The following CCDC91 variants were observed in gnomAD, a reference collection of about 807,000 sequenced individuals.
CCDC91 encodes coiled-coil domain-containing protein 91.
CCDC91 carries 48 observed loss-of-function variants against 63.2 expected under a neutral mutation model. The ratio of observed to expected loss-of-function variants is 0.76; its 90% CI spans 0.60 to 0.97. CCDC91 has a LOEUF of 0.97. CCDC91 is among the 50% of genes least tolerant of loss of function. The pLI, the probability that CCDC91 is intolerant of heterozygous loss-of-function variation, is 0.00. For synonymous variants in CCDC91, 167 were observed against 165.8 expected (o/e 1.01, Z -0.06); for missense variants, 500 against 494.6 (o/e 1.01, Z -0.10).
intron 12 of CCDC91, among the ~76,000 whole-genome samples, chr12:28,515,459 TTGATCTTA>T (rs1268733236): frequency 6.6e-6 from 1 of 151,928 alleles, no homozygotes; most frequent in Non-Finnish European, 1.5e-5. Context: ...ATTTCCCTAA[TTGATCTTA>T]TGCCCTTTTT....
At chr12:28,369,497 G>A (rs908826309) in intron 7 of CCDC91, among the ~76,000 whole-genome samples, 10 of 152,148 alleles carry the variant, frequency 6.6e-5, no homozygotes, top group Non-Finnish European at 1.2e-4. Flanking sequence ...GGCATTGAGT[G>A]CCTACAGGTT....
chr12:28,205,536 G>T (rs1942780303), intron 1 of CCDC91, among the ~76,000 whole-genome samples: 1 of 152,176 alleles, frequency 6.6e-6, no homozygotes, highest in African/African-American at 2.4e-5. Flanking sequence ...TGCAAGTTGG[G>T]CAGCTCCCAG....
At chr12:28,346,856 C>T (rs1167309442) in intron 6 of CCDC91, among the ~76,000 whole-genome samples, 1 of 152,100 alleles carries the variant, frequency 6.6e-6, no homozygotes, top group Non-Finnish European at 1.5e-5. Flanking sequence ...CTATCCTTTC[C>T]CTTGATGTTG....
In CCDC91 at chr12:28,350,950, A is replaced by G. The variant is rs1188892730; in HGVS notation, c.577-11488A>G. The stretch of plus-strand genomic sequence containing the variant: ...TGCAAAGACCCTATTTCCAAATAAG[A>G]TTGCATTCATAGGTACCAAGGATTA... On this transcript the variant is annotated intron_variant, in intron 6 of 12. Transcript: ENST00000536442. Among the ~76,000 whole-genome samples the G allele has an allele frequency of 2.0e-5, 3 of 152,134 alleles. No individual in the cohort carries two copies. In the East Asian group the frequency reaches 5.8e-4, roughly 29 times the overall value.
At chr12:28,333,468 A>G (rs1325392258) in intron 6 of CCDC91, among the ~76,000 whole-genome samples, 4 of 151,994 alleles carry the variant, frequency 2.6e-5, no homozygotes, top group African/African-American at 7.2e-5. Flanking sequence ...ACAAATGACC[A>G]CAAAAGCACC....
chr12:28,235,327 G>T (rs1231770338), intron 1 of CCDC91, among the ~76,000 whole-genome samples: 1 of 152,090 alleles, frequency 6.6e-6, no homozygotes, highest in Non-Finnish European at 1.5e-5. Flanking sequence ...GGTTTAAATG[G>T]TGTATATAAT....
intron 7 of CCDC91, among the ~76,000 whole-genome samples, chr12:28,363,498 A>T (rs1229945243): frequency 6.6e-6 from 1 of 152,234 alleles, no homozygotes; most frequent in East Asian, 1.9e-4. Context: ...CAGTTAGAAT[A>T]TAGAAATTTT....
intron 3 of CCDC91, among the ~76,000 whole-genome samples, chr12:28,295,479 G>A (rs1479659620): frequency 6.6e-6 from 1 of 151,874 alleles, no homozygotes; most frequent in Non-Finnish European, 1.5e-5. Context: ...ACAAACAATG[G>A]CAAGTCGTTC....
chr12:28,359,782 C>CTT (rs1565853546), intron 6 of CCDC91, among the ~76,000 whole-genome samples: 2 of 152,084 alleles, frequency 1.3e-5, no homozygotes, highest in African/African-American at 4.8e-5. Flanking sequence ...CAGAATATTT[C>CTT]TATTTACTTT....
chr12:28,388,633 A>C (rs565897714), intron 7 of CCDC91, among the ~76,000 whole-genome samples: 10 of 152,348 alleles, frequency 6.6e-5, no homozygotes, highest in African/African-American at 2.4e-4. Flanking sequence ...AATACATCCC[A>C]TGCTCGTGGA....
Position 28,484,630 on chromosome 12 carries a change from A to G in CCDC91, c.1215+465A>G, listed in dbSNP as rs377221885. On this transcript the variant is annotated intron_variant, in intron 12 of 12. Transcript: ENST00000536442. ...CCATTTCAAAACCATAACTCAGAAT[A>G]TGCTTGTAAGAATTTAGGATGCATA... Among the ~76,000 whole-genome samples, 510 of 152,246 alleles carry G rather than the reference A, an allele frequency of 3.3e-3. 6 individuals carry two copies. Among genetic ancestry groups the G allele is most frequent in the African/African-American group, 0.012 (483 of 41,574 alleles).
intron 6 of CCDC91, among the ~76,000 whole-genome samples, chr12:28,338,316 G>GTT (rs34192753): frequency 7.1e-6 from 1 of 139,932 alleles, no homozygotes. Flanking sequence ...CCCCCATAGT[G>GTT]TTTTTTTTTT....
intron 12 of CCDC91, among the ~76,000 whole-genome samples, chr12:28,514,267 A>C (rs763246526): frequency 3.7e-4 from 56 of 151,890 alleles, no homozygotes; most frequent in Non-Finnish European, 1.9e-4. Context: ...CTTCTTTTGA[A>C]AAGTGTCTGT....
chr12:28,442,866 G>T (rs1006674865), intron 8 of CCDC91, among the ~76,000 whole-genome samples: 1 of 152,016 alleles, frequency 6.6e-6, no homozygotes, highest in African/African-American at 2.4e-5. Context: ...TTGTTTTCAT[G>T]AATGAAGAGA....
intron 8 of CCDC91, among the ~76,000 whole-genome samples, chr12:28,444,061 G>A (rs9669066): frequency 0.012 from 1,763 of 152,256 alleles, 36 homozygotes; most frequent in African/African-American, 0.041. Context: ...GCATAGCCCT[G>A]TTTCTATAGG....
intron 3 of CCDC91, among the ~76,000 whole-genome samples, chr12:28,275,562 T>C (rs187787743): frequency 2.6e-3 from 389 of 152,258 alleles, no homozygotes; most frequent in Middle Eastern, 6.8e-3. Flanking sequence ...GCTGATACCA[T>C]TCCTTCTGAA....
chr12:28,470,403 A>T (rs1950757208), intron 11 of CCDC91, among the ~76,000 whole-genome samples: 1 of 152,170 alleles, frequency 6.6e-6, no homozygotes, highest in South Asian at 2.1e-4. Flanking sequence ...CACCCCAGTT[A>T]AAATGGCTTG....
chr12:28,500,682 A>C (rs2141118676), intron 12 of CCDC91, among the ~76,000 whole-genome samples: 1 of 151,850 alleles, frequency 6.6e-6, no homozygotes, highest in Non-Finnish European at 1.5e-5. Context: ...AACTTTGGTC[A>C]GTTTAGCTAT....
In CCDC91 at chr12:28,540,951, G is replaced by A. The variant is rs550194591; in HGVS notation, c.1216-8112G>A. On this transcript the variant is annotated intron_variant, in intron 12 of 12. Transcript: ENST00000536442. Reference sequence around the variant, plus strand: ...AGGCCTCTCAACAGCTACTGAGTGGGTTTGGAAGCAGATCCTTCCCCAGTT... The same window carrying A: ...AGGCCTCTCAACAGCTACTGAGTGGATTTGGAAGCAGATCCTTCCCCAGTT... Among the ~76,000 whole-genome samples the A allele has an allele frequency of 2.0e-5, 3 of 152,230 alleles. No homozygotes were observed. In the East Asian group the frequency reaches 5.8e-4, roughly 29 times the overall value.
Sources: gnomAD v4.1 joint callset for allele counts (sites outside exome capture counted in the v4.1 genomes callset) on GRCh38, gnomAD v4.1.1 for gene constraint, MANE v1.5 for transcripts, NCBI Gene and HGNC (gene_info 2026-07-23, HGNC 2026-07-21) for gene names.